PLCH1: variants seen among roughly 807,000 people sequenced by gnomAD.
PLCH1 encodes the protein 1-phosphatidylinositol 4,5-bisphosphate phosphodiesterase eta-1.
Under a neutral mutation model 126.7 loss-of-function variants are expected in PLCH1, and 60 were observed. That is an observed-to-expected ratio of 0.47 (90% CI 0.38 to 0.59). The LOEUF is 0.59. Among genes scored for constraint, PLCH1 ranks in the 20% least tolerant of loss-of-function variants. PLCH1 has a pLI of 0.00. For synonymous variants in PLCH1, 719 were observed against 734.9 expected, an observed-to-expected ratio of 0.98 and a Z score of 0.35; for missense variants, 1,723 against 2,040.0, an observed-to-expected ratio of 0.84 and a Z score of 2.99.
intron 8 of PLCH1, among the ~76,000 whole-genome samples, chr3:155,559,062 T>C (rs1302393210): frequency 6.6e-6 from 1 of 152,178 alleles, no homozygotes; most frequent in Non-Finnish European, 1.5e-5. Flanking sequence ...GCCATCCTTA[T>C]ATGACATGAC....
chr3:155,715,018 A>T (rs1747404000), intron 1 of PLCH1, among the ~76,000 whole-genome samples: 1 of 152,108 alleles, frequency 6.6e-6, no homozygotes, highest in Non-Finnish European at 1.5e-5. Context: ...TATAAATTAC[A>T]GCATTATTCA....
At chr3:155,471,784 C>T (rs1051856064) in intron 21 of PLCH1, among the ~76,000 whole-genome samples, 6 of 152,016 alleles carry the variant, frequency 3.9e-5, no homozygotes, top group African/African-American at 4.8e-5. Flanking sequence ...CACTCAAAAT[C>T]GCTCAACTAC....
chr3:155,480,011 T>A lies in PLCH1; in HGVS notation c.*957A>T, dbSNP rs973764280. On this transcript the variant is annotated 3_prime_UTR_variant, in exon 23 of 23. Coordinates refer to ENST00000460012, the MANE Select transcript of PLCH1 (RefSeq NM_014996.4). ...TAAAAAAGTGAATTCACAGTGAAAA[T>A]AATGCATGTCAGTACTAAAATAGAG... 11 of 151,196 alleles carry A rather than the reference T, an allele frequency of 7.3e-5. No individual in the cohort carries two copies. The highest frequency in any genetic ancestry group is 1.3e-4 in the Admixed American group (2 of 15,154). The allele number at this position is 151,196 out of a possible 1,614,324, so 9.4% of individuals were successfully genotyped here. A position where few individuals can be genotyped will look rare whatever the true frequency, so the allele number is the denominator to read the frequency against.
intron 21 of PLCH1, among the ~76,000 whole-genome samples, chr3:155,486,593 C>T (rs1272749346): frequency 8.2e-5 from 12 of 146,894 alleles, no homozygotes; most frequent in East Asian, 6.1e-4. Flanking sequence ...GGCGCAATCT[C>T]GGCTCACTGC....
At chr3:155,542,747 C>A (rs1724532964) in intron 10 of PLCH1, among the ~76,000 whole-genome samples, 2 of 152,226 alleles carry the variant, frequency 1.3e-5, no homozygotes, top group Admixed American at 6.5e-5. Flanking sequence ...TGCTGTTCTG[C>A]AGCCACTGCT....
chr3:155,529,861 G>C (rs1182945787), intron 10 of PLCH1, among the ~76,000 whole-genome samples: 1 of 152,092 alleles, frequency 6.6e-6, no homozygotes, highest in Non-Finnish European at 1.5e-5. Context: ...CCGCCCCCCG[G>C]GTTCAAGCGA....
chr3:155,473,180 C>G (rs1351796160), intron 21 of PLCH1, among the ~76,000 whole-genome samples: 1 of 150,524 alleles, frequency 6.6e-6, no homozygotes, highest in Non-Finnish European at 1.5e-5. Context: ...CTAGAAAACC[C>G]CATTGTCTCA....
intron 10 of PLCH1, 33 bp from the exon 11 acceptor site, chr3:155,524,037 G>A: frequency 1.5e-6 from 2 of 1,292,526 alleles, no homozygotes; most frequent in East Asian, 2.3e-5. Context: ...ATTTAAAAAT[G>A]AGAATAAATT....
intron 10 of PLCH1, among the ~76,000 whole-genome samples, chr3:155,525,432 A>G (rs911768039): frequency 6.6e-6 from 1 of 152,188 alleles, no homozygotes; most frequent in Non-Finnish European, 1.5e-5. Context: ...CAAATCTGCC[A>G]TCACCTTAAT....
intron 18 of PLCH1, among the ~76,000 whole-genome samples, chr3:155,492,447 T>G (rs1716366005): frequency 6.6e-6 from 1 of 152,218 alleles, no homozygotes; most frequent in Non-Finnish European, 1.5e-5. Context: ...GGTGTTGTTC[T>G]GTTAATAATA....
intron 2 of PLCH1, among the ~76,000 whole-genome samples, chr3:155,649,639 G>A (rs1559894172): frequency 6.6e-6 from 1 of 152,134 alleles, no homozygotes; most frequent in East Asian, 1.9e-4. Flanking sequence ...CTGTGATGAT[G>A]GTAGTGGGAA....
At chr3:155,628,548 TC>T (rs1196092465) in intron 2 of PLCH1, among the ~76,000 whole-genome samples, 2 of 93,680 alleles carry the variant, frequency 2.1e-5, no homozygotes, top group Non-Finnish European at 3.8e-5. Flanking sequence ...TCTTCACCTC[TC>T]TTTTTTTTTT....
chr3:155,632,423 C>T (rs190077453), intron 2 of PLCH1, among the ~76,000 whole-genome samples: 2 of 152,306 alleles, frequency 1.3e-5, no homozygotes, highest in Admixed American at 1.3e-4. Flanking sequence ...GAGCCATCAT[C>T]ATATCCATGA....
At chr3:155,468,315 A>G (rs1051247050) in intron 21 of PLCH1, among the ~76,000 whole-genome samples, 16 of 152,318 alleles carry the variant, frequency 1.1e-4, no homozygotes, top group Middle Eastern at 3.4e-3. Context: ...CACCTTTACT[A>G]GGGGAAGACA....
In PLCH1 at chr3:155,505,644, CA is replaced by C. The variant is rs1389761941; in HGVS notation, c.1633-1019del. On this transcript the variant is annotated intron_variant, in intron 12 of 22. Coordinates refer to ENST00000460012, the MANE Select transcript of PLCH1 (RefSeq NM_014996.4). ...AGAACTGGTTGGGGAAAGAGCAGTT[CA>C]AAAAATGCTGGAGGAGTAATGGTGA... 5.3e-5 allele frequency among the ~76,000 whole-genome samples: 8 copies of C among 152,120 alleles called. No individual in the cohort carries two copies. The South Asian group carries it at 1.2e-3, about 24-fold the overall frequency.
Position 155,594,135 on chromosome 3 carries a change from T to C in PLCH1, c.276A>G (p.Ile92Met), listed in dbSNP as rs1375303996. 6.2e-7 allele frequency: 1 copy of C among 1,614,078 alleles called. No individual in the cohort carries two copies. Among genetic ancestry groups the C allele is most frequent in the Admixed American group, 1.7e-5 (1 of 60,024 alleles). ...YKVTEGRQSE[I>M]FHRQAEGNFD... Reference sequence around the variant, plus strand: ...AGTTCCCCTCAGCTTGTCTGTGGAATATTTCAGACTGCCGGCCCTCAGTCA... The same window carrying C: ...AGTTCCCCTCAGCTTGTCTGTGGAACATTTCAGACTGCCGGCCCTCAGTCA... The change falls in exon 4 of 23, where the codon ATA becomes ATG. Residue 92 changes from isoleucine (I) to methionine (M), a missense_variant. Physicochemically the swap from Ile to Met is conservative, Grantham distance 10. Coordinates refer to ENST00000460012, the MANE Select transcript of PLCH1 (RefSeq NM_014996.4).
rs1714104929 is a variant in PLCH1, at chr3:155,481,795, C to T, written c.4231G>A (p.Glu1411Lys). The change falls in exon 23 of 23, where the codon GAA becomes AAA. Residue 1411 changes from glutamate to lysine, a missense_variant. Around this residue, in one of 2 missense-constraint regions of PLCH1, gnomAD observed 947 missense variants for 977.1 expected, o/e 0.97. Coordinates refer to ENST00000460012, the MANE Select transcript of PLCH1 (RefSeq NM_014996.4). The surrounding 1 kb of genome is among the most constrained non-coding windows in gnomAD (Gnocchi z 4.2). ...CKETLRPSVP[E>K]IFNNIQDVKT... Reference sequence around the variant, plus strand: ...ACATCTTGAATATTGTTGAATATTTCAGGGACAGAAGGGCGGAGGGTCTCT... The same window carrying T: ...ACATCTTGAATATTGTTGAATATTTTAGGGACAGAAGGGCGGAGGGTCTCT... 1 of 1,614,094 alleles carries T rather than the reference C, an allele frequency of 6.2e-7. No homozygotes were observed. Among genetic ancestry groups the T allele is most frequent in the Non-Finnish European group, 8.5e-7 (1 of 1,179,960 alleles).
At position 155,497,965 on chromosome 3, in the gene PLCH1, T is replaced by C. The variant is rs533172129; in HGVS notation, c.1797-548A>G. On this transcript the variant is annotated intron_variant, in intron 14 of 22. Coordinates refer to ENST00000460012, the MANE Select transcript of PLCH1 (RefSeq NM_014996.4). ...CCTGACCTCAAGTGATCCACCTGCATTGGCCTCCCAAAATGCTAGGATTAC... is the reference window on the plus strand; with the variant it reads ...CCTGACCTCAAGTGATCCACCTGCACTGGCCTCCCAAAATGCTAGGATTAC... Among the ~76,000 whole-genome samples the C allele has an allele frequency of 5.9e-5, 9 of 152,310 alleles. No homozygotes were observed. In the South Asian group the frequency reaches 1.9e-3, roughly 32 times the overall value.
intron 1 of PLCH1, among the ~76,000 whole-genome samples, chr3:155,704,994 G>A (rs758813275): frequency 2.1e-4 from 32 of 152,254 alleles, no homozygotes; most frequent in African/African-American, 6.3e-4. Flanking sequence ...AAAAGCTGAC[G>A]TGCATAACCC....
Sources: gnomAD v4.1 joint callset for allele counts (sites outside exome capture counted in the v4.1 genomes callset) on GRCh38, gnomAD v4.1.1 for gene constraint, gnomAD v4.1.1 regional missense constraint, Gnocchi (gnomAD v3.1) non-coding constraint, MANE v1.5 for transcripts, NCBI Gene and HGNC (gene_info 2026-07-23, HGNC 2026-07-21) for gene names.